Variants in KCNQ5 observed in about 807,000 individuals in gnomAD.
KCNQ5 encodes the protein potassium voltage-gated channel subfamily KQT member 5.
KCNQ5 carries 30 observed loss-of-function variants against 98.2 expected under a neutral mutation model. The ratio of observed to expected loss-of-function variants is 0.31; its 90% CI spans 0.23 to 0.41. The LOEUF is 0.41. Among genes scored for constraint, KCNQ5 ranks in the 10% least tolerant of loss-of-function variants. KCNQ5 has a pLI of 1.00. For synonymous variants in KCNQ5, 458 were observed against 449.4 expected (o/e 1.02, Z -0.24); for missense variants, 835 against 1,182.5 (o/e 0.71, Z 4.31).
chr6:73,069,603 A>G (rs1773218303), intron 3 of KCNQ5, among the ~76,000 whole-genome samples: 1 of 152,092 alleles, frequency 6.6e-6, no homozygotes, highest in Non-Finnish European at 1.5e-5. Context: ...ACAGACTACT[A>G]GTATAATCAT....
At chr6:72,729,040 CT>C (rs1377495349) in intron 1 of KCNQ5, among the ~76,000 whole-genome samples, 3 of 152,062 alleles carry the variant, frequency 2.0e-5, no homozygotes, top group East Asian at 3.9e-4. Flanking sequence ...GCGCAATGTT[CT>C]TTTTTTCACT....
chr6:73,033,190 T>C (rs930576291), intron 2 of KCNQ5, among the ~76,000 whole-genome samples: 6 of 152,184 alleles, frequency 3.9e-5, no homozygotes, highest in African/African-American at 1.4e-4. Flanking sequence ...TTCCCACCTC[T>C]TTTCCCCAAG....
chr6:73,195,037 T>C lies in KCNQ5; in HGVS notation c.2422T>C (p.Phe808Leu). Reference sequence around the variant, plus strand: ...CAAGGACCGTTCTATGAGGAAAAGCTTTGACATGGGAGGAGAAACTCTGTT... The same window carrying C: ...CAAGGACCGTTCTATGAGGAAAAGCCTTGACATGGGAGGAGAAACTCTGTT... ...LTKDRSMRKS[F>L]DMGGETLLSV... Residue 808 changes from phenylalanine to leucine, a missense_variant, in exon 14 of 14, where the codon TTT (phenylalanine) becomes CTT (leucine). This residue lies in a region of KCNQ5 where 416 missense variants were observed against 446.9 expected (regional missense o/e 0.93). Coordinates refer to ENST00000370398, the MANE Select transcript of KCNQ5 (RefSeq NM_019842.4). 1 of 1,614,180 alleles carries C rather than the reference T, an allele frequency of 6.2e-7. No homozygotes were observed. Among genetic ancestry groups the C allele is most frequent in the Non-Finnish European group, 8.5e-7 (1 of 1,180,036 alleles).
intron 10 of KCNQ5, among the ~76,000 whole-genome samples, chr6:73,152,001 C>G (rs917687470): frequency 6.6e-6 from 1 of 152,168 alleles, no homozygotes; most frequent in Non-Finnish European, 1.5e-5. Flanking sequence ...CGGGAATTTT[C>G]CTTCCCTGTC....
At chr6:72,706,009 G>A (rs2154474849) in intron 1 of KCNQ5, among the ~76,000 whole-genome samples, 1 of 152,146 alleles carries the variant, frequency 6.6e-6, no homozygotes, top group African/African-American at 2.4e-5. Flanking sequence ...AATTGATTTT[G>A]CAATAAATAT....
chr6:72,677,489 T>G (rs774689256), intron 1 of KCNQ5, among the ~76,000 whole-genome samples: 1 of 152,234 alleles, frequency 6.6e-6, no homozygotes, highest in African/African-American at 2.4e-5. Flanking sequence ...ATGTTATCAG[T>G]GTCTGCTGTC....
At chr6:72,897,505 G>T (rs148011086) in intron 1 of KCNQ5, among the ~76,000 whole-genome samples, 2 of 152,110 alleles carry the variant, frequency 1.3e-5, no homozygotes, top group Non-Finnish European at 1.5e-5. Context: ...TTGTACCACC[G>T]CATTCCAGCA....
At chr6:72,747,664 G>A (rs1388816504) in intron 1 of KCNQ5, among the ~76,000 whole-genome samples, 1 of 152,134 alleles carries the variant, frequency 6.6e-6, no homozygotes, top group Non-Finnish European at 1.5e-5. Flanking sequence ...TAGAAGCATA[G>A]CATACATTCC....
intron 1 of KCNQ5, among the ~76,000 whole-genome samples, chr6:72,900,988 T>A (rs537066438): frequency 4.2e-4 from 64 of 152,204 alleles, no homozygotes; most frequent in African/African-American, 1.0e-3. Context: ...CCCATTTTTT[T>A]AATTATGCTT....
At chr6:73,165,233 G>A (rs979241811) in intron 10 of KCNQ5, among the ~76,000 whole-genome samples, 1 of 152,020 alleles carries the variant, frequency 6.6e-6, no homozygotes, top group Non-Finnish European at 1.5e-5. Context: ...CAATCCTCCT[G>A]CCCCAGCCTC....
chr6:73,023,021 A>G (rs928280088), intron 2 of KCNQ5, among the ~76,000 whole-genome samples: 2 of 152,202 alleles, frequency 1.3e-5, no homozygotes, highest in African/African-American at 4.8e-5. Flanking sequence ...TTTGAGAAAG[A>G]TAATTTTGAC....
intron 1 of KCNQ5, among the ~76,000 whole-genome samples, chr6:72,700,857 C>A (rs989976706): frequency 6.6e-6 from 1 of 152,170 alleles, no homozygotes; most frequent in Non-Finnish European, 1.5e-5. Flanking sequence ...CATCCCTCAG[C>A]TAAGCCTCTG....
intron 1 of KCNQ5, among the ~76,000 whole-genome samples, chr6:73,001,516 C>T (rs925843632): frequency 2.0e-5 from 3 of 152,130 alleles, no homozygotes; most frequent in African/African-American, 7.2e-5. Context: ...TATAAAACTG[C>T]CATTGGGATG....
chr6:72,700,326 T>C (rs1329426916), intron 1 of KCNQ5, among the ~76,000 whole-genome samples: 1 of 150,792 alleles, frequency 6.6e-6, no homozygotes, highest in Non-Finnish European at 1.5e-5. Context: ...TATCTATCTA[T>C]CTATCTATCT....
intron 1 of KCNQ5, among the ~76,000 whole-genome samples, chr6:72,736,794 C>T (rs1421669749): frequency 3.3e-5 from 5 of 151,522 alleles, no homozygotes; most frequent in African/African-American, 9.7e-5. Context: ...CCACCGCGCC[C>T]GGCCGTAAAA....
At chr6:72,924,329 G>C (rs1488744277) in intron 1 of KCNQ5, among the ~76,000 whole-genome samples, 1 of 152,168 alleles carries the variant, frequency 6.6e-6, no homozygotes, top group African/African-American at 2.4e-5. Context: ...AGCAGAAATA[G>C]CAATTTTTCT....
At chr6:72,849,760 AAG>A (rs1056833217) in intron 1 of KCNQ5, among the ~76,000 whole-genome samples, 7 of 152,310 alleles carry the variant, frequency 4.6e-5, no homozygotes, top group African/African-American at 1.4e-4. Context: ...TCAACAATGA[AAG>A]AGTCTTTGAA....
chr6:73,161,284 C>A (rs1777607249), intron 10 of KCNQ5, among the ~76,000 whole-genome samples: 1 of 152,104 alleles, frequency 6.6e-6, no homozygotes, highest in South Asian at 2.1e-4. Flanking sequence ...AGAGCTTAGA[C>A]TGGTGGTTTC....
At chr6:72,884,556 G>A (rs756547904) in intron 1 of KCNQ5, among the ~76,000 whole-genome samples, 32 of 151,976 alleles carry the variant, frequency 2.1e-4, no homozygotes, top group Non-Finnish European at 3.2e-4. Context: ...GTGAATCTCT[G>A]AAACCATGTA....
Sources: gnomAD v4.1 joint callset for allele counts (sites outside exome capture counted in the v4.1 genomes callset) on GRCh38, gnomAD v4.1.1 for gene constraint, gnomAD v4.1.1 regional missense constraint, MANE v1.5 for transcripts, NCBI Gene and HGNC (gene_info 2026-07-23, HGNC 2026-07-21) for gene names.